The following ME2 variants were observed in gnomAD, a reference collection of about 807,000 sequenced individuals.
ME2 encodes the protein NAD-dependent malic enzyme, mitochondrial.
ME2 carries 60 observed loss-of-function variants against 73.7 expected under a neutral mutation model. The observed-to-expected ratio is 0.81, with a 90% CI of 0.66 to 1.01. The LOEUF (loss-of-function observed/expected upper bound fraction) is 1.01. Ranked by LOEUF, ME2 falls within the 50% of genes least tolerant of loss-of-function variation. ME2 has a pLI of 0.00. For synonymous variants in ME2, 199 were observed against 236.9 expected (o/e 0.84, Z 1.47); for missense variants, 594 against 705.5 (o/e 0.84, Z 1.79).
At chr18:50,917,209 T>C (rs1722859822) in intron 5 of ME2, 138 bp from the exon 6 acceptor site, 2 of 633,276 alleles carry the variant, frequency 3.2e-6, no homozygotes, top group Non-Finnish European at 5.3e-6. Context: ...TTGGTTTACA[T>C]TGGAAATTAG....
chr18:50,922,261 A>G (rs1176856778), intron 10 of ME2, among the ~76,000 whole-genome samples: 1 of 152,266 alleles, frequency 6.6e-6, no homozygotes, highest in Non-Finnish European at 1.5e-5. Flanking sequence ...CTTTACATGT[A>G]TTATCTCCTT....
At chr18:50,942,820 T>G (rs763802915) in intron 15 of ME2, 34 of 251,312 alleles carry the variant, frequency 1.4e-4, no homozygotes, top group Non-Finnish European at 2.3e-4. Flanking sequence ...TTTTAATAGT[T>G]TTTCATTTCA....
intron 1 of ME2, among the ~76,000 whole-genome samples, chr18:50,887,882 A>G (rs1446543533): frequency 6.6e-6 from 1 of 152,230 alleles, no homozygotes; most frequent in Non-Finnish European, 1.5e-5. Context: ...CTTTAAAATA[A>G]ATATTTAATG....
intron 2 of ME2, among the ~76,000 whole-genome samples, chr18:50,901,601 T>A (rs997060629): frequency 1.3e-5 from 2 of 152,194 alleles, no homozygotes; most frequent in African/African-American, 4.8e-5. Flanking sequence ...TTCCATAGGG[T>A]AGAGTGCTCA....
chr18:50,886,746 A>G lies in ME2; in HGVS notation c.-13+7438A>G, dbSNP rs532138167. Among the ~76,000 whole-genome samples, 6 of 152,244 alleles carry G rather than the reference A, an allele frequency of 3.9e-5. No individual in the cohort carries two copies. The South Asian group carries it at 1.2e-3, about 32-fold the overall frequency. On this transcript the variant is annotated intron_variant, in intron 1 of 15. Coordinates refer to ENST00000321341, the MANE Select transcript of ME2 (RefSeq NM_002396.5). Reference sequence around the variant, plus strand: ...CTGGATGCAGTGGCTCACACCTGTAATCTCAGCACTTTGGGAGGCCAAGAC... The same window carrying G: ...CTGGATGCAGTGGCTCACACCTGTAGTCTCAGCACTTTGGGAGGCCAAGAC...
chr18:50,901,529 T>G (rs1008503147), intron 2 of ME2, among the ~76,000 whole-genome samples: 1 of 152,170 alleles, frequency 6.6e-6, no homozygotes, highest in African/African-American at 2.4e-5. Flanking sequence ...TCATTTTTAG[T>G]GTGGATTTAA....
chr18:50,935,463 C>G (rs1917793688), intron 13 of ME2: 1 of 151,872 alleles, frequency 6.6e-6, no homozygotes, highest in African/African-American at 2.4e-5. Flanking sequence ...ACTGAGTGAG[C>G]TGGGTGTAGT....
At chr18:50,921,023 A>T in intron 9 of ME2, 51 bp from the exon 10 acceptor site, 1 of 867,094 alleles carries the variant, frequency 1.2e-6, no homozygotes, top group East Asian at 2.7e-5. Context: ...AAGTAATTCA[A>T]GCATTGCATC....
intron 2 of ME2, among the ~76,000 whole-genome samples, chr18:50,903,798 C>G (rs1182121290): frequency 6.6e-6 from 1 of 152,150 alleles, no homozygotes; most frequent in Non-Finnish European, 1.5e-5. Flanking sequence ...TACGTTTTAG[C>G]CTTTTCCTTT....
intron 4 of ME2, among the ~76,000 whole-genome samples, chr18:50,914,431 C>T (rs1917237823): frequency 6.6e-6 from 1 of 152,174 alleles, no homozygotes; most frequent in Admixed American, 6.5e-5. Flanking sequence ...TGGTGTAATT[C>T]TGATGTATAC....
chr18:50,916,042 C>T, intron 4 of ME2, 126 bp from the exon 5 acceptor site: 2 of 664,676 alleles, frequency 3.0e-6, no homozygotes, highest in Non-Finnish European at 5.2e-6. Context: ...TGTGACTTAG[C>T]TAAATCTGCT....
At chr18:50,888,255 G>A (rs1916523679) in intron 1 of ME2, among the ~76,000 whole-genome samples, 2 of 151,948 alleles carry the variant, frequency 1.3e-5, no homozygotes, top group South Asian at 4.1e-4. Flanking sequence ...TGAGGTGGGA[G>A]GATTGCTTGA....
chr18:50,942,298 A>T (rs1266218173), intron 15 of ME2, among the ~76,000 whole-genome samples: 2 of 152,084 alleles, frequency 1.3e-5, no homozygotes, highest in Non-Finnish European at 2.9e-5. Context: ...TGTTCCTGGG[A>T]TTTCTATTCC....
rs1218538845 is a variant in ME2, at chr18:50,947,369, A to T, written c.*185A>T. On this transcript the variant is annotated 3_prime_UTR_variant, in exon 16 of 16. Transcript: ENST00000321341. ...GACGTGTTGATTGATTGCATTGCCCACCAGCACCCTACAGTCAGATAGTTG... is the reference window on the plus strand; with the variant it reads ...GACGTGTTGATTGATTGCATTGCCCTCCAGCACCCTACAGTCAGATAGTTG... The T allele has an allele frequency of 1.2e-5, 7 of 585,566 alleles. No homozygotes were observed. The highest frequency in any genetic ancestry group is 2.1e-5 in the Non-Finnish European group (7 of 331,604). 36.3% of individuals were successfully genotyped at this position (585,566 alleles called of 1,614,324 possible).
intron 13 of ME2, 113 bp from the exon 14 acceptor site, chr18:50,939,457 G>T: frequency 1.6e-6 from 1 of 625,590 alleles, no homozygotes. Flanking sequence ...TTCTGTTTGG[G>T]GGGAGCTGTT....
At chr18:50,932,407 A>ATTTT in intron 13 of ME2, 47 bp downstream of exon 13, 1 of 1,428,142 alleles carries the variant, frequency 7.0e-7, no homozygotes, top group Non-Finnish European at 9.8e-7. Flanking sequence ...TTAATTATGT[A>ATTTT]AAAATACTTA....
At chr18:50,916,091 CAA>C in intron 4 of ME2, 75 bp from the exon 5 acceptor site, 1 of 978,228 alleles carries the variant, frequency 1.0e-6, no homozygotes, top group Non-Finnish European at 1.6e-6. Flanking sequence ...ATTAAAATAT[CAA>C]AATATTTCAA....
At position 50,920,743 on chromosome 18, in the gene ME2, C is replaced by T; in HGVS notation, c.927C>T (p.Phe309=). ...CAATCTCCGAACACAAAATCTTATTCCTTGGAGCAGGAGAGGTAAGTTTTG... is the reference window on the plus strand; with the variant it reads ...CAATCTCCGAACACAAAATCTTATTTCTTGGAGCAGGAGAGGTAAGTTTTG... The part of the protein sequence containing the change: ...SKPISEHKIL[F]LGAGEAALGI... Residue 309 remains phenylalanine (F), a synonymous_variant, in exon 9 of 16, where the codon TTC becomes TTT. Transcript: ENST00000321341. 3 of 1,610,376 alleles carry T rather than the reference C, an allele frequency of 1.9e-6. No homozygotes were observed. The highest frequency in any genetic ancestry group is 2.5e-6 in the Non-Finnish European group (3 of 1,179,288).
At chr18:50,880,952 C>T (rs1194773095) in intron 1 of ME2, among the ~76,000 whole-genome samples, 1 of 152,184 alleles carries the variant, frequency 6.6e-6, no homozygotes, top group Non-Finnish European at 1.5e-5. Context: ...AAATTAAAAA[C>T]TTACAGCTAT....
Sources: allele counts gnomAD v4.1 joint callset (sites outside exome capture counted in the v4.1 genomes callset), GRCh38; gene constraint gnomAD v4.1.1; transcripts MANE v1.5; gene names NCBI Gene and HGNC (gene_info 2026-07-23, HGNC 2026-07-21).